ADARB1: variants seen among roughly 807,000 people sequenced by gnomAD.
ADARB1 encodes the protein adenosine deaminase RNA specific B1.
In ADARB1, 10 loss-of-function variants were observed where a neutral mutation model predicts 52.4. The observed-to-expected ratio is 0.19, with a 90% confidence interval of 0.12 to 0.32. ADARB1 has a LOEUF of 0.32. Ranked by LOEUF, ADARB1 falls within the 10% of genes least tolerant of loss-of-function variation. ADARB1 has a pLI of 1.00. For missense variants in ADARB1, 643 were observed against 922.3 expected (o/e 0.70, Z 3.92); for synonymous variants, 349 against 371.1 (o/e 0.94, Z 0.68).
chr21:45,111,211 C>T (rs2087518998), intron 1 of ADARB1, among the ~76,000 whole-genome samples: 1 of 152,220 alleles, frequency 6.6e-6, no homozygotes, highest in South Asian at 2.1e-4. Context: ...CTGCCACTGA[C>T]CTCTGTGGGT....
intron 1 of ADARB1, among the ~76,000 whole-genome samples, chr21:45,091,139 T>G (rs2086546943): frequency 6.6e-6 from 1 of 152,282 alleles, no homozygotes; most frequent in Non-Finnish European, 1.5e-5. Flanking sequence ...AGTCCCTTTC[T>G]TCACAGAGCA....
intron 1 of ADARB1, among the ~76,000 whole-genome samples, chr21:45,090,566 G>A (rs2086522177): frequency 6.6e-6 from 1 of 152,066 alleles, no homozygotes; most frequent in South Asian, 2.1e-4. Flanking sequence ...CTGAAAATGT[G>A]ACAGTCTTCT....
chr21:45,149,798 G>C (rs1330451110), intron 2 of ADARB1, among the ~76,000 whole-genome samples: 1 of 152,210 alleles, frequency 6.6e-6, no homozygotes, highest in African/African-American at 2.4e-5. Flanking sequence ...TTCTGTTGGT[G>C]CTCACGGCCT....
intron 6 of ADARB1, 27 bp downstream of exon 6, chr21:45,182,780 G>A: frequency 1.3e-6 from 2 of 1,529,494 alleles, no homozygotes; most frequent in South Asian, 1.3e-5. Flanking sequence ...AATAAGGACA[G>A]GAAGCTCTTT....
chr21:45,148,693 A>G (rs372250258), intron 2 of ADARB1, among the ~76,000 whole-genome samples: 1 of 152,188 alleles, frequency 6.6e-6, no homozygotes, highest in East Asian at 1.9e-4. Context: ...CTGGCTGCTC[A>G]TGGGCATCAC....
intron 2 of ADARB1, among the ~76,000 whole-genome samples, chr21:45,147,330 C>T (rs1018948243): frequency 3.3e-5 from 5 of 152,146 alleles, no homozygotes; most frequent in Non-Finnish European, 7.4e-5. Flanking sequence ...AATTAAAGAA[C>T]ATTTATGTTT....
Position 45,224,512 on chromosome 21 carries a change from A to T in ADARB1, c.*2315A>T, listed in dbSNP as rs13048008. On this transcript the variant is annotated 3_prime_UTR_variant, in exon 11 of 11. Transcript: ENST00000348831. ...AGCCCTGGGTGGGGCAGCTGTGGGG[A>T]GGAACTGGGTTCGGGGAGCCCTGGG... The T allele has an allele frequency of 2.6e-5, 2 of 78,282 alleles. No individual in the cohort carries two copies. Among genetic ancestry groups the T allele is most frequent in the African/African-American group, 3.1e-4 (1 of 3,178 alleles). The allele number at this position is 78,282 out of a possible 1,614,324, so 4.8% of individuals were successfully genotyped here.
In ADARB1 at chr21:45,208,119, T is replaced by C. The variant is rs1387520891; in HGVS notation, c.1747+3383T>C. On this transcript the variant is annotated intron_variant, in intron 9 of 10. Transcript: ENST00000348831. The surrounding 1 kb of genome is among the most constrained non-coding windows in gnomAD (Gnocchi z 5.6). ...GTTTCACATCCAGCACTTGCAAGTT[T>C]CAGGACAATTCCAGCTTCTTATTTA... Among the ~76,000 whole-genome samples the C allele has an allele frequency of 6.6e-6, 1 of 152,038 alleles. No individual in the cohort carries two copies. The highest frequency in any genetic ancestry group is 1.9e-4 in the East Asian group (1 of 5,180).
intron 1 of ADARB1, chr21:45,100,686 A>T (rs182206371): frequency 2.4e-4 from 37 of 152,436 alleles, no homozygotes; most frequent in African/African-American, 7.9e-4. Flanking sequence ...TGCTGGTGGG[A>T]TTCAGTTTTC....
intron 9 of ADARB1, among the ~76,000 whole-genome samples, chr21:45,217,579 T>G (rs1416895995): frequency 6.6e-6 from 1 of 152,216 alleles, no homozygotes; most frequent in Non-Finnish European, 1.5e-5. Context: ...TCTTAATAAT[T>G]ATCTTTTAAA....
intron 8 of ADARB1, among the ~76,000 whole-genome samples, chr21:45,187,066 C>T (rs190280337): frequency 9.9e-5 from 15 of 152,150 alleles, no homozygotes; most frequent in Admixed American, 7.2e-4. Context: ...AAAATGCCAT[C>T]GTTATTTTGA....
At chr21:45,137,776 G>T (rs1429372137) in intron 2 of ADARB1, among the ~76,000 whole-genome samples, 1 of 152,116 alleles carries the variant, frequency 6.6e-6, no homozygotes, top group African/African-American at 2.4e-5. Context: ...TGCCCAGGAG[G>T]CAGGGCAGGA....
At chr21:45,169,781 A>G (rs1217394177) in intron 2 of ADARB1, among the ~76,000 whole-genome samples, 1 of 152,236 alleles carries the variant, frequency 6.6e-6, no homozygotes, top group Non-Finnish European at 1.5e-5. Flanking sequence ...GCGCCTTGCC[A>G]TCACTTTGCC....
At position 45,225,981 on chromosome 21, in the gene ADARB1, G is replaced by A. The variant is rs1372681884; in HGVS notation, c.*3784G>A. On this transcript the variant is annotated 3_prime_UTR_variant, in exon 11 of 11. Coordinates refer to ENST00000348831, the MANE Select transcript of ADARB1 (RefSeq NM_001112.4). ...TGAGTTCTAGTGTTCACTTGATGCC[G>A]GGGAATAGAATTAGAGAAAACTCTG... is the stretch of plus-strand genomic sequence containing the variant. 7 of 164,106 alleles carry A rather than the reference G, an allele frequency of 4.3e-5. No individual in the cohort carries two copies. The highest frequency in any genetic ancestry group is 2.0e-4 in the South Asian group (1 of 4,930). 10.2% of individuals were successfully genotyped at this position (164,106 alleles called of 1,614,324 possible).
intron 8 of ADARB1, among the ~76,000 whole-genome samples, chr21:45,202,040 T>G (rs2092565610): frequency 6.6e-6 from 1 of 151,724 alleles, no homozygotes; most frequent in African/African-American, 2.4e-5. Flanking sequence ...GGCTGGGGGA[T>G]CTGGCCGGAG....
intron 8 of ADARB1, among the ~76,000 whole-genome samples, chr21:45,197,331 C>G (rs879298944): frequency 1.3e-5 from 2 of 152,056 alleles, no homozygotes; most frequent in Non-Finnish European, 2.9e-5. Context: ...GAAACCCTGT[C>G]TCTACTAAAA....
rs1279599780 is a variant in ADARB1, at chr21:45,204,064, A to G, written c.1566-491A>G. ...TGCTAATGGGCCAGCGGCATCTGCAACGTGGATGGTTCACATCCCGGGCTG... is the reference window on the plus strand; with the variant it reads ...TGCTAATGGGCCAGCGGCATCTGCAGCGTGGATGGTTCACATCCCGGGCTG... On this transcript the variant is annotated intron_variant, in intron 8 of 10. Coordinates refer to ENST00000348831, the MANE Select transcript of ADARB1 (RefSeq NM_001112.4). This position sits in a 1 kb window ranked among gnomAD's most constrained non-coding sequence, Gnocchi z 4.4. 2.0e-5 allele frequency among the ~76,000 whole-genome samples: 3 copies of G among 152,234 alleles called. No individual in the cohort carries two copies. Among genetic ancestry groups the G allele is most frequent in the South Asian group, 2.1e-4 (1 of 4,832 alleles).
rs1245578266 is a variant in ADARB1, at chr21:45,111,274, CTGTT to C, written c.-219-17118_-219-17115del. ...CTGCAACCTGTTTGTTTGGGCGTGC[CTGTT>C]TGTTTGTTTTTAACGTTTTAATAAA... is the stretch of plus-strand genomic sequence containing the variant. On this transcript the variant is annotated intron_variant, in intron 1 of 10. Coordinates refer to ENST00000348831, the MANE Select transcript of ADARB1 (RefSeq NM_001112.4). Among the ~76,000 whole-genome samples the C allele has an allele frequency of 7.1e-4, 108 of 152,250 alleles. 1 individual carries two copies. The highest frequency in any genetic ancestry group is 7.8e-4 in the Admixed American group (12 of 15,298).
At chr21:45,169,916 G>T (rs2091413064) in intron 2 of ADARB1, among the ~76,000 whole-genome samples, 1 of 152,186 alleles carries the variant, frequency 6.6e-6, no homozygotes, top group Non-Finnish European at 1.5e-5. Context: ...GATCCCTCCA[G>T]CCAGGAGGCT....
Sources: allele counts gnomAD v4.1 joint callset (sites outside exome capture counted in the v4.1 genomes callset), GRCh38; gene constraint gnomAD v4.1.1; non-coding constraint Gnocchi (gnomAD v3.1); transcripts MANE v1.5; gene names NCBI Gene and HGNC (gene_info 2026-07-23, HGNC 2026-07-21).